PIK3CA: variants seen among roughly 807,000 people sequenced by gnomAD.
The protein encoded by PIK3CA is phosphatidylinositol 4,5-bisphosphate 3-kinase catalytic subunit alpha isoform.
In PIK3CA, 27 loss-of-function variants were observed where a neutral mutation model predicts 138.2. The ratio of observed to expected loss-of-function variants is 0.20; its 90% CI spans 0.14 to 0.27. The LOEUF is 0.27. Ranked by LOEUF, PIK3CA falls within the 10% of genes least tolerant of loss-of-function variation. The probability of loss-of-function intolerance (pLI) is 1.00; values close to 1 mark genes in which losing one functional copy is unlikely to be tolerated. For missense variants in PIK3CA, 544 were observed against 1,277.4 expected, an observed-to-expected ratio of 0.43 and a Z score of 8.75; for synonymous variants, 358 against 413.2, an observed-to-expected ratio of 0.87 and a Z score of 1.62.
intron 9 of PIK3CA, among the ~76,000 whole-genome samples, chr3:179,215,034 G>A (rs1439225839): frequency 2.0e-5 from 3 of 152,072 alleles, no homozygotes; most frequent in Admixed American, 6.6e-5. Flanking sequence ...CTTTGGCTTT[G>A]TTGGCTATAG....
intron 1 of PIK3CA, among the ~76,000 whole-genome samples, chr3:179,155,491 GA>G (rs773743921): frequency 6.6e-6 from 1 of 151,042 alleles, no homozygotes; most frequent in Admixed American, 6.6e-5. Flanking sequence ...AAAATATTAG[GA>G]AAAAAAAGGA....
At chr3:179,229,976 C>A (rs747545246) in intron 18 of PIK3CA, 28 bp from the exon 19 acceptor site, 1 of 1,443,516 alleles carries the variant, frequency 6.9e-7, no homozygotes, top group East Asian at 2.3e-5. Context: ...TATTTCCATA[C>A]TACTCATGAG....
chr3:179,182,473 G>T (rs1560131254), intron 1 of PIK3CA, among the ~76,000 whole-genome samples: 1 of 152,032 alleles, frequency 6.6e-6, no homozygotes, highest in Non-Finnish European at 1.5e-5. Flanking sequence ...TTCAAGATCA[G>T]CCTGGGCAAC....
At chr3:179,190,313 C>A (rs555692831) in intron 1 of PIK3CA, among the ~76,000 whole-genome samples, 2 of 150,892 alleles carry the variant, frequency 1.3e-5, no homozygotes, top group East Asian at 1.9e-4. Flanking sequence ...GTGCACCCCC[C>A]CCACCACCCC....
chr3:179,161,788 C>T (rs1445321261), intron 1 of PIK3CA, among the ~76,000 whole-genome samples: 2 of 152,152 alleles, frequency 1.3e-5, no homozygotes, highest in Non-Finnish European at 2.9e-5. Flanking sequence ...GTTCCATTTC[C>T]ATACTGTTCT....
intron 17 of PIK3CA, among the ~76,000 whole-genome samples, chr3:179,228,220 C>T (rs566110734): frequency 8.6e-5 from 13 of 151,700 alleles, no homozygotes; most frequent in Non-Finnish European, 1.9e-4. Flanking sequence ...TAATAGAGTC[C>T]CTAAACTTAA....
chr3:179,218,721 A>G (rs1019341031), intron 10 of PIK3CA, among the ~76,000 whole-genome samples: 4 of 151,740 alleles, frequency 2.6e-5, no homozygotes, highest in African/African-American at 4.8e-5. Context: ...ATAATGCCTT[A>G]TTTTCATTTA....
rs1458960189 is a variant in PIK3CA, at chr3:179,238,027, C to G, written c.*3663C>G. 1.8e-5 allele frequency: 4 copies of G among 220,814 alleles called. No homozygotes were observed. The East Asian group carries it at 2.6e-4, about 14-fold the overall frequency. 13.7% of individuals were successfully genotyped at this position (220,814 alleles called of 1,614,324 possible). A position where few individuals can be genotyped will look rare whatever the true frequency, so the allele number is the denominator to read the frequency against. On this transcript the variant is annotated 3_prime_UTR_variant, in exon 21 of 21. Coordinates refer to ENST00000263967, the MANE Select transcript of PIK3CA (RefSeq NM_006218.4). ...GCTTTTACTATTTAAAGACAACTTT[C>G]ATACTTCAGATGTTTTTGAGAAGAG... is the stretch of plus-strand genomic sequence containing the variant.
Position 179,219,714 on chromosome 3 carries a change from G to A in PIK3CA, c.1890G>A (p.Gln630=), listed in dbSNP as rs2108411219. 2 of 1,604,864 alleles carry A rather than the reference G, an allele frequency of 1.2e-6. No homozygotes were observed. The highest frequency in any genetic ancestry group is 1.7e-6 in the Non-Finnish European group (2 of 1,172,716). ...ATTTAACAGATGACAAACTTTCTCA[G>A]TATTTAATTCAGCTAGTACAGGTAA... The part of the protein sequence containing the change: ...EKYLTDDKLS[Q]YLIQLVQVLK... Residue 630 remains glutamine, a synonymous_variant, in exon 12 of 21, where the codon CAG becomes CAA. Transcript: ENST00000263967. This position sits in a 1 kb window ranked among gnomAD's most constrained non-coding sequence, Gnocchi z 4.2.
Position 179,235,806 on chromosome 3 carries a change from CT to C in PIK3CA, c.*1445del, listed in dbSNP as rs1725322544. On this transcript the variant is annotated 3_prime_UTR_variant, in exon 21 of 21. Coordinates refer to ENST00000263967, the MANE Select transcript of PIK3CA (RefSeq NM_006218.4). ...CAAGTAGTCAGAGCTCACTCTCCAACTTTATTAAATACTATTTGAGCACAGG... is the reference window on the plus strand; with the variant it reads ...CAAGTAGTCAGAGCTCACTCTCCAACTTATTAAATACTATTTGAGCACAGG... 1 of 213,344 alleles carries C rather than the reference CT, an allele frequency of 4.7e-6. No individual in the cohort carries two copies. Among genetic ancestry groups the C allele is most frequent in the South Asian group, 1.9e-4 (1 of 5,358 alleles). 13.2% of individuals were successfully genotyped at this position (213,344 alleles called of 1,614,324 possible).
intron 9 of PIK3CA, among the ~76,000 whole-genome samples, chr3:179,215,011 T>C (rs1320458294): frequency 6.6e-6 from 1 of 152,186 alleles, no homozygotes; most frequent in Admixed American, 6.5e-5. Context: ...TGTTTCCAAA[T>C]ATATTACTTT....
chr3:179,168,978 A>T (rs1451259768), intron 1 of PIK3CA: 2 of 150,558 alleles, frequency 1.3e-5, no homozygotes, highest in African/African-American at 4.9e-5. Context: ...TAGTTTCATA[A>T]TTTTTTTTTC....
chr3:179,192,707 G>A (rs2108380227), intron 1 of PIK3CA, among the ~76,000 whole-genome samples: 1 of 152,316 alleles, frequency 6.6e-6, no homozygotes, highest in East Asian at 1.9e-4. Context: ...AAGTATTGTT[G>A]ACATTATGTA....
intron 4 of PIK3CA, among the ~76,000 whole-genome samples, chr3:179,202,732 C>G (rs1438742412): frequency 2.0e-5 from 3 of 152,108 alleles, no homozygotes; most frequent in Non-Finnish European, 4.4e-5. Context: ...CATAATGTTA[C>G]TGGTCTCCAC....
chr3:179,193,696 T>C (rs1724193299), intron 1 of PIK3CA, among the ~76,000 whole-genome samples: 1 of 152,254 alleles, frequency 6.6e-6, no homozygotes, highest in Non-Finnish European at 1.5e-5. Flanking sequence ...AGTCTTCAAA[T>C]TGAAATAACT....
At chr3:179,221,875 T>G (rs537406110) in intron 14 of PIK3CA, among the ~76,000 whole-genome samples, 3 of 151,986 alleles carry the variant, frequency 2.0e-5, no homozygotes, top group South Asian at 2.1e-4. Context: ...TTCCAGCTAA[T>G]TTTTGTATTT....
intron 1 of PIK3CA, among the ~76,000 whole-genome samples, chr3:179,158,627 TG>T (rs1723198054): frequency 6.6e-6 from 1 of 152,186 alleles, no homozygotes; most frequent in Non-Finnish European, 1.5e-5. Context: ...CTACTTGCTA[TG>T]AAGTCTTTAT....
chr3:179,215,901 T>C (rs1724825790), intron 9 of PIK3CA, among the ~76,000 whole-genome samples: 2 of 152,172 alleles, frequency 1.3e-5, no homozygotes, highest in Non-Finnish European at 2.9e-5. Context: ...ATTGACATTT[T>C]GCGCCAAATA....
intron 1 of PIK3CA, among the ~76,000 whole-genome samples, chr3:179,190,882 G>C (rs1202160008): frequency 6.6e-6 from 1 of 152,158 alleles, no homozygotes; most frequent in Non-Finnish European, 1.5e-5. Context: ...TGGGCTTAAG[G>C]CTCCTGGAGG....
Sources: gnomAD v4.1 joint callset for allele counts (sites outside exome capture counted in the v4.1 genomes callset) on GRCh38, gnomAD v4.1.1 for gene constraint, Gnocchi (gnomAD v3.1) non-coding constraint, MANE v1.5 for transcripts, NCBI Gene and HGNC (gene_info 2026-07-23, HGNC 2026-07-21) for gene names.